MAP2: variants seen among roughly 807,000 people sequenced by gnomAD.
MAP2 encodes the protein microtubule associated protein 2, also known as microtubule-associated protein 2.
In MAP2, 14 loss-of-function variants were observed where a neutral mutation model predicts 137.6. That is an observed-to-expected ratio of 0.10 (90% CI 0.07 to 0.16). MAP2 has a LOEUF of 0.16. Among genes scored for constraint, MAP2 ranks in the 10% least tolerant of loss-of-function variants. The pLI is 1.00. For synonymous variants in MAP2, 786 were observed against 782.3 expected (o/e 1.00, Z -0.08); for missense variants, 2,088 against 2,191.5 (o/e 0.95, Z 0.94).
chr2:209,606,218 T>G (rs1385513522), intron 3 of MAP2, among the ~76,000 whole-genome samples: 1 of 152,206 alleles, frequency 6.6e-6, no homozygotes, highest in Non-Finnish European at 1.5e-5. Context: ...AGTCTTTTTT[T>G]ATTTCTGGCT....
chr2:209,677,399 TAGATAGACAGACAGAC>T (rs1471992622), intron 5 of MAP2, among the ~76,000 whole-genome samples: 1 of 137,388 alleles, frequency 7.3e-6, no homozygotes, highest in East Asian at 2.1e-4. Context: ...GATAGATAGA[TAGATAGACAGACAGAC>T]AGACAGACAG....
intron 5 of MAP2, among the ~76,000 whole-genome samples, chr2:209,667,948 A>G (rs2153655051): frequency 6.6e-6 from 1 of 152,152 alleles, no homozygotes; most frequent in East Asian, 1.9e-4. Context: ...AAAATCCCGC[A>G]TAAATCCCAT....
intron 11 of MAP2, chr2:209,705,341 C>A: frequency 3.5e-6 from 1 of 283,354 alleles, no homozygotes. Flanking sequence ...TCATTTAGAA[C>A]TTGAACTTCA....
At chr2:209,484,328 G>A (rs1167874160) in intron 1 of MAP2, among the ~76,000 whole-genome samples, 1 of 151,466 alleles carries the variant, frequency 6.6e-6, no homozygotes, top group Non-Finnish European at 1.5e-5. Context: ...ATTTGATGGC[G>A]AGGCGCAGTG....
At chr2:209,719,770 A>C (rs1383954019) in intron 13 of MAP2, among the ~76,000 whole-genome samples, 1 of 152,236 alleles carries the variant, frequency 6.6e-6, no homozygotes, top group East Asian at 1.9e-4. Context: ...AATTAGTAAA[A>C]TTAAAATAAA....
chr2:209,471,615 A>G (rs1449960676), intron 1 of MAP2, among the ~76,000 whole-genome samples: 2 of 152,088 alleles, frequency 1.3e-5, no homozygotes, highest in East Asian at 1.9e-4. Context: ...CTAGTACTTA[A>G]ATGATTTTTC....
chr2:209,718,495 G>A (rs971840021), intron 13 of MAP2, among the ~76,000 whole-genome samples: 1 of 150,532 alleles, frequency 6.6e-6, no homozygotes, highest in Admixed American at 6.6e-5. Flanking sequence ...TTCTTCCAGC[G>A]CCCACTGAGA....
In MAP2 at chr2:209,692,731, G is replaced by A. The variant is rs764773531; in HGVS notation, c.561G>A (p.Lys187=). The A allele has an allele frequency of 6.2e-7, 1 of 1,614,060 alleles. No individual in the cohort carries two copies. Among genetic ancestry groups the A allele is most frequent in the Admixed American group, 1.7e-5 (1 of 59,998 alleles). ...AAAAGGAGTCAGAGAAGCAAAGTAAGCCTGGTGAAGACCTTAAACATGCTG... is the reference window on the plus strand; with the variant it reads ...AAAAGGAGTCAGAGAAGCAAAGTAAACCTGGTGAAGACCTTAAACATGCTG... ...QKEKESEKQS[K]PGEDLKHAAL... The change falls in exon 8 of 16, where the codon AAG becomes AAA. Residue 187 remains lysine, a synonymous_variant. Transcript: ENST00000682079.
At chr2:209,462,503 T>G (rs1703071222) in intron 1 of MAP2, among the ~76,000 whole-genome samples, 1 of 152,220 alleles carries the variant, frequency 6.6e-6, no homozygotes, top group Non-Finnish European at 1.5e-5. Flanking sequence ...TGTACACTAC[T>G]TTGTATCTCT....
At chr2:209,442,906 A>G (rs911957826) in intron 1 of MAP2, among the ~76,000 whole-genome samples, 1 of 151,568 alleles carries the variant, frequency 6.6e-6, no homozygotes, top group African/African-American at 2.4e-5. Flanking sequence ...CTCTACTGTC[A>G]CTGAATTTGT....
At chr2:209,437,286 A>G (rs1197287306) in intron 1 of MAP2, among the ~76,000 whole-genome samples, 1 of 151,636 alleles carries the variant, frequency 6.6e-6, no homozygotes, top group Non-Finnish European at 1.5e-5. Flanking sequence ...TGGTCCTGGT[A>G]GGAAGATGCT....
intron 2 of MAP2, among the ~76,000 whole-genome samples, chr2:209,572,190 G>C (rs1351792887): frequency 6.6e-6 from 1 of 151,960 alleles, no homozygotes; most frequent in Non-Finnish European, 1.5e-5. Flanking sequence ...AGAGCAATTG[G>C]AAAGTGATTT....
At chr2:209,521,476 T>C (rs1254755226) in intron 2 of MAP2, among the ~76,000 whole-genome samples, 1 of 152,016 alleles carries the variant, frequency 6.6e-6, no homozygotes, top group Non-Finnish European at 1.5e-5. Context: ...TAAAGGAGTT[T>C]GATTGGATTG....
At chr2:209,690,014 G>A (rs1301176004) in intron 7 of MAP2, among the ~76,000 whole-genome samples, 2 of 152,094 alleles carry the variant, frequency 1.3e-5, no homozygotes, top group African/African-American at 4.8e-5. Context: ...TAAATTTGGT[G>A]GACTTTGTGA....
At chr2:209,654,696 G>A (rs1396132999) in intron 5 of MAP2, among the ~76,000 whole-genome samples, 1 of 151,976 alleles carries the variant, frequency 6.6e-6, no homozygotes, top group Non-Finnish European at 1.5e-5. Flanking sequence ...GATTTTCAAG[G>A]GATTGCAGCA....
chr2:209,560,481 CTTT>C (rs61613421), intron 2 of MAP2, among the ~76,000 whole-genome samples: 16 of 137,298 alleles, frequency 1.2e-4, no homozygotes, highest in African/African-American at 1.6e-4. Flanking sequence ...CTTTGAGATT[CTTT>C]TTTTTTTTTT....
At chr2:209,547,482 G>GT (rs1559305459) in intron 2 of MAP2, among the ~76,000 whole-genome samples, 1 of 152,036 alleles carries the variant, frequency 6.6e-6, no homozygotes, top group East Asian at 1.9e-4. Flanking sequence ...ACAGCAAAAC[G>GT]TAAAATACCG....
At chr2:209,485,549 C>G (rs2058272249) in intron 1 of MAP2, among the ~76,000 whole-genome samples, 1 of 152,120 alleles carries the variant, frequency 6.6e-6, no homozygotes, top group Admixed American at 6.5e-5. Flanking sequence ...GAGGATAGCC[C>G]ATAACCAAAG....
intron 1 of MAP2, among the ~76,000 whole-genome samples, chr2:209,448,641 C>T (rs1699643771): frequency 6.6e-6 from 1 of 152,074 alleles, no homozygotes; most frequent in Non-Finnish European, 1.5e-5. Flanking sequence ...TTTCTATTAG[C>T]TGTTGATGCT....
Sources: allele counts gnomAD v4.1 joint callset (sites outside exome capture counted in the v4.1 genomes callset), GRCh38; gene constraint gnomAD v4.1.1; transcripts MANE v1.5; gene names NCBI Gene and HGNC (gene_info 2026-07-23, HGNC 2026-07-21).